The following ITGAX variants were observed in gnomAD, a reference collection of about 807,000 sequenced individuals.
ITGAX encodes integrin alpha-X.
A neutral mutation model predicts 140.2 loss-of-function variants in ITGAX; 99 were observed. That is an observed-to-expected ratio of 0.71 (90% CI 0.60 to 0.83). The LOEUF is 0.83. ITGAX is among the 40% of genes least tolerant of loss of function. ITGAX has a pLI of 0.00. For missense variants in ITGAX, 1,444 were observed against 1,482.0 expected (o/e 0.97, Z 0.42); for synonymous variants, 631 against 600.4 (o/e 1.05, Z -0.75).
chr16:31,357,142 G>T (rs1199142912), intron 4 of ITGAX, 41 bp downstream of exon 4: 4 of 1,585,064 alleles, frequency 2.5e-6, no homozygotes, highest in Non-Finnish European at 2.6e-6. Flanking sequence ...GAGGGAGGGA[G>T]GGAGGAGCCG....
In ITGAX at chr16:31,363,224, C is replaced by G; in HGVS notation, c.1560C>G (p.Arg520=). The G allele has an allele frequency of 6.2e-7, 1 of 1,613,452 alleles. No individual in the cohort carries two copies. The highest frequency in any genetic ancestry group is 8.5e-7 in the Non-Finnish European group (1 of 1,179,696). ...LYGEQGHPWG[R]FGAALTVLGD... The stretch of plus-strand genomic sequence containing the variant: ...GGGAGCAGGGCCACCCCTGGGGTCG[C>G]TTTGGGGCGGCTCTGACAGTGCTGG... Residue 520 remains arginine, a synonymous_variant, in exon 14 of 30, where the codon CGC becomes CGG. Transcript: ENST00000268296.
Position 31,372,168 on chromosome 16 carries a change from G to C in ITGAX, c.2161-210G>C, listed in dbSNP as rs539087612. Among the ~76,000 whole-genome samples the C allele has an allele frequency of 3.9e-3, 588 of 151,718 alleles. 1 individual carries two copies. The highest frequency in any genetic ancestry group is 0.012 in the African/African-American group (481 of 41,370). Reference sequence around the variant, plus strand: ...AGTCATTGCTGATCGGGAGGTCTGGGGGGGGGGAGGAAAAAAACAAAGACA... The same window carrying C: ...AGTCATTGCTGATCGGGAGGTCTGGCGGGGGGGAGGAAAAAAACAAAGACA... On this transcript the variant is annotated intron_variant, in intron 17 of 29. Coordinates refer to ENST00000268296, the MANE Select transcript of ITGAX (RefSeq NM_000887.5).
intron 20 of ITGAX, among the ~76,000 whole-genome samples, chr16:31,374,328 A>G (rs2081000121): frequency 6.6e-6 from 1 of 152,194 alleles, no homozygotes. Flanking sequence ...AACATTTACA[A>G]AAGTAGAAAG....
chr16:31,382,685 T>G lies in ITGAX; in HGVS notation c.*778T>G. ...CAGGCTGAATTGGGAGTGAGATGCC[T>G]GCATGCTGGGTTCTGCACAGCTGGC... On this transcript the variant is annotated 3_prime_UTR_variant, in exon 30 of 30. Transcript: ENST00000268296. 1.6e-6 allele frequency: 1 copy of G among 608,752 alleles called. No individual in the cohort carries two copies. Among genetic ancestry groups the G allele is most frequent in the Non-Finnish European group, 3.0e-6 (1 of 335,594 alleles). 37.7% of individuals were successfully genotyped at this position (608,752 alleles called of 1,614,324 possible).
In ITGAX at chr16:31,379,631, C is replaced by T. The variant is rs1168459679; in HGVS notation, c.2853C>T (p.Ala951=). 6.4e-7 allele frequency: 1 copy of T among 1,563,788 alleles called. No homozygotes were observed. Among genetic ancestry groups the T allele is most frequent in the South Asian group, 1.2e-5 (1 of 85,108 alleles). The change falls in exon 24 of 30, where the codon GCC becomes GCT. Residue 951 remains alanine (A), a synonymous_variant. Transcript: ENST00000268296. The stretch of plus-strand genomic sequence containing the variant: ...CTGAGGAGAAGGAAAGCCATGTGGC[C>T]ATGCACAGATACCAGGCAGGTGGTG... ...SESEEKESHV[A]MHRYQVNNLG...
chr16:31,368,979 C>G (rs2142508081), intron 14 of ITGAX, among the ~76,000 whole-genome samples: 2 of 152,338 alleles, frequency 1.3e-5, no homozygotes, highest in African/African-American at 4.8e-5. Flanking sequence ...TAGTACAGAA[C>G]AAAATGAAAA....
At chr16:31,378,245 A>T (rs191964652) in intron 23 of ITGAX, among the ~76,000 whole-genome samples, 2 of 152,316 alleles carry the variant, frequency 1.3e-5, no homozygotes, top group Non-Finnish European at 2.9e-5. Flanking sequence ...AATGCTCAGT[A>T]GCATTTGGTC....
Position 31,371,709 on chromosome 16 carries a change from A to G in ITGAX, c.2085A>G (p.Thr695=), listed in dbSNP as rs372847126. Residue 695 remains threonine, a synonymous_variant, in exon 17 of 30, where the codon ACA becomes ACG. Transcript: ENST00000268296. ...GTCCCCGTGCCACCTTCCAGGAAACAAAGAACCGGAGTCTGAGCCGAGTCC... is the reference window on the plus strand; with the variant it reads ...GTCCCCGTGCCACCTTCCAGGAAACGAAGAACCGGAGTCTGAGCCGAGTCC... ...RLSPRATFQE[T]KNRSLSRVRV... 51 of 1,614,046 alleles carry G rather than the reference A, an allele frequency of 3.2e-5. No individual in the cohort carries two copies. The highest frequency in any genetic ancestry group is 3.9e-5 in the Non-Finnish European group (46 of 1,180,050).
Position 31,355,345 on chromosome 16 carries a change from G to A in ITGAX, c.37+54G>A, listed in dbSNP as rs538224528. 1.0e-5 allele frequency: 16 copies of A among 1,602,398 alleles called. No homozygotes were observed. In the South Asian group the frequency reaches 1.8e-4, roughly 18 times the overall value. ...TGGGGACCCAGGCCCAAGGGAGCCA[G>A]GGCCCTGAACTGGGGGCTCAGGCTG... On this transcript the variant is annotated intron_variant, in intron 1 of 29. Coordinates refer to ENST00000268296, the MANE Select transcript of ITGAX (RefSeq NM_000887.5).
chr16:31,373,494 G>A, intron 20 of ITGAX, 104 bp downstream of exon 20: 1 of 1,218,602 alleles, frequency 8.2e-7, no homozygotes, highest in Non-Finnish European at 1.1e-6. Context: ...TGCCATCTGG[G>A]GCACGCCTCT....
chr16:31,359,704 C>T lies in ITGAX; in HGVS notation c.435C>T (p.Cys145=). The T allele has an allele frequency of 6.2e-7, 1 of 1,613,964 alleles. No homozygotes were observed. Among genetic ancestry groups the T allele is most frequent in the Admixed American group, 1.7e-5 (1 of 60,000 alleles). ...CGGTGCCACCTCCTTCCCCAGAGTG[C>T]CCAAGACAGGAGCAGGACATTGTGT... ...TQRLPVSRQE[C]PRQEQDIVFL... Residue 145 remains cysteine (C), a synonymous_variant, in exon 6 of 30, where the codon TGC becomes TGT. Transcript: ENST00000268296.
intron 14 of ITGAX, among the ~76,000 whole-genome samples, chr16:31,365,839 C>T (rs2080887295): frequency 6.6e-6 from 1 of 152,244 alleles, no homozygotes; most frequent in African/African-American, 2.4e-5. Context: ...AGGAAAATGG[C>T]TTGAACCCAG....
chr16:31,360,952 C>T (rs931761328), intron 8 of ITGAX, 111 bp from the exon 9 acceptor site: 56 of 1,038,826 alleles, frequency 5.4e-5, no homozygotes, highest in Non-Finnish European at 7.7e-5. Flanking sequence ...CTCCTGTGTC[C>T]ACCGGGTGTG....
intron 11 of ITGAX, 27 bp from the exon 12 acceptor site, chr16:31,362,584 C>T: frequency 6.2e-7 from 1 of 1,600,942 alleles, no homozygotes; most frequent in Non-Finnish European, 8.5e-7. Flanking sequence ...GAATGGGGGC[C>T]TTTGTGCTGA....
chr16:31,364,424 G>GT lies in ITGAX; in HGVS notation c.1710+1051dup, dbSNP rs1444693443. 3.4e-4 allele frequency among the ~76,000 whole-genome samples: 31 copies of GT among 90,688 alleles called. No homozygotes were observed. The East Asian group carries it at 0.01, about 30-fold the overall frequency. The allele number at this position is 90,688 out of a possible 152,430, so 59.5% of individuals were successfully genotyped here. Reference sequence around the variant, plus strand: ...CCCAGGTGAAAGAGCACAATCCCGTGTCAAAAAAAAAAAAAAAAAAAAAAA... The same window carrying GT: ...CCCAGGTGAAAGAGCACAATCCCGTGTTCAAAAAAAAAAAAAAAAAAAAAAA... On this transcript the variant is annotated intron_variant, in intron 14 of 29. Transcript: ENST00000268296.
At chr16:31,363,763 G>C (rs1412186549) in intron 14 of ITGAX, among the ~76,000 whole-genome samples, 2 of 152,182 alleles carry the variant, frequency 1.3e-5, no homozygotes, top group Non-Finnish European at 2.9e-5. Context: ...GTTTTACAAG[G>C]TACACAGGTC....
At chr16:31,368,161 T>A (rs1425238674) in intron 14 of ITGAX, among the ~76,000 whole-genome samples, 1 of 151,736 alleles carries the variant, frequency 6.6e-6, no homozygotes, top group Non-Finnish European at 1.5e-5. Context: ...TTTTTTTTTT[T>A]TTCAGATGGA....
Position 31,373,246 on chromosome 16 carries a change from C to A in ITGAX, c.2367-3C>A, listed in dbSNP as rs757572898. On this transcript the variant is annotated splice_region_variant and splice_polypyrimidine_tract_variant and intron_variant, in intron 19 of 29. Transcript: ENST00000268296. ...CTTCTCCTTTCCTTCACCTGATACC[C>A]AGCTTGAAGTCCCTGCTGGTGGGGA... The A allele has an allele frequency of 6.2e-7, 1 of 1,609,884 alleles. No individual in the cohort carries two copies. The highest frequency in any genetic ancestry group is 1.1e-5 in the South Asian group (1 of 90,472).
chr16:31,359,634 C>T lies in ITGAX; in HGVS notation c.431-66C>T, dbSNP rs892527127. ...GTTTTGGGAGAGTGAGCTCTTGTGG[C>T]CAGGAGGCCACGGTCCTGGACTCCA... On this transcript the variant is annotated intron_variant, in intron 5 of 29. Coordinates refer to ENST00000268296, the MANE Select transcript of ITGAX (RefSeq NM_000887.5). The T allele has an allele frequency of 1.9e-6, 3 of 1,576,308 alleles. No individual in the cohort carries two copies. In the African/African-American group the frequency reaches 4.1e-5, roughly 21 times the overall value.
Sources: allele counts gnomAD v4.1 joint callset (sites outside exome capture counted in the v4.1 genomes callset), GRCh38; gene constraint gnomAD v4.1.1; transcripts MANE v1.5; gene names NCBI Gene and HGNC (gene_info 2026-07-23, HGNC 2026-07-21).